Variants in EYA3 observed in about 807,000 individuals in gnomAD.
The protein encoded by EYA3 is EYA transcriptional coactivator and phosphatase 3.
Under a neutral mutation model 80.0 loss-of-function variants are expected in EYA3, and 39 were observed. The observed-to-expected ratio is 0.49, with a 90% CI of 0.38 to 0.64. EYA3 has a LOEUF of 0.64. Among genes scored for constraint, EYA3 ranks in the 30% least tolerant of loss-of-function variants. The pLI, the probability that EYA3 is intolerant of heterozygous loss-of-function variation, is 0.00. For missense variants in EYA3, 523 were observed against 676.1 expected (o/e 0.77, Z 2.51); for synonymous variants, 206 against 232.8 (o/e 0.88, Z 1.05).
rs955336550 is a variant in EYA3 at position 27,993,564 on chromosome 1, CAAG to C, written c.1143-7_1143-5del. On this transcript the variant is annotated splice_polypyrimidine_tract_variant and splice_region_variant and intron_variant, in intron 13 of 17. Coordinates refer to ENST00000373871, the MANE Select transcript of EYA3 (RefSeq NM_001990.4). ...ATCTGTTGAGAAACTGTAGTTGCTG[CAAG>C]GAGAGAAGATAATAAAAATTAAAAT... 1 of 1,572,224 alleles carries C rather than the reference CAAG, an allele frequency of 6.4e-7. No individual in the cohort carries two copies. Among genetic ancestry groups the C allele is most frequent in the African/African-American group, 1.4e-5 (1 of 72,282 alleles).
intron 7 of EYA3, among the ~76,000 whole-genome samples, chr1:28,021,570 A>G (rs1404341082): frequency 6.6e-6 from 1 of 151,630 alleles, no homozygotes; most frequent in Non-Finnish European, 1.5e-5. Context: ...ATATACATCT[A>G]TCTTGTGTGC....
At position 28,004,371 on chromosome 1, in the gene EYA3, G is replaced by A; in HGVS notation, c.958C>T (p.Leu320Phe). 2 of 1,607,312 alleles carry A rather than the reference G, an allele frequency of 1.2e-6. No homozygotes were observed. Among genetic ancestry groups the A allele is most frequent in the Non-Finnish European group, 1.7e-6 (2 of 1,175,054 alleles). The change falls in exon 11 of 18, where the codon CTT (leucine) becomes TTT (phenylalanine). Residue 320 changes from leucine (L) to phenylalanine (F), a missense_variant. Coordinates refer to ENST00000373871, the MANE Select transcript of EYA3 (RefSeq NM_001990.4). ...LDETIIIFHS[L>F]LTGSYAQKYG... ...TTCTGGGCATAGGATCCAGTAAGAA[G>A]TGAGTGGAAGATGATGATGGTTTCA...
At chr1:28,030,711 T>C (rs1441339504) in intron 6 of EYA3, among the ~76,000 whole-genome samples, 1 of 152,246 alleles carries the variant, frequency 6.6e-6, no homozygotes, top group Non-Finnish European at 1.5e-5. Flanking sequence ...TTAGAAGCGT[T>C]TGCCCCATCA....
At chr1:27,982,419 G>T (rs113978022) in intron 16 of EYA3, among the ~76,000 whole-genome samples, 4,698 of 150,558 alleles carry the variant, frequency 0.031, 163 homozygotes, top group African/African-American at 0.085. Context: ...GCCCTGGGAT[G>T]ACAGGCGTGA....
At chr1:28,032,016 C>T (rs1249305729) in intron 6 of EYA3, 1 of 152,216 alleles carries the variant, frequency 6.6e-6, no homozygotes, top group Non-Finnish European at 1.5e-5. Flanking sequence ...CCTTAGGCAA[C>T]CTGGCGGTCC....
intron 16 of EYA3, among the ~76,000 whole-genome samples, chr1:27,981,562 C>T (rs1397358023): frequency 1.3e-5 from 2 of 151,862 alleles, no homozygotes; most frequent in African/African-American, 4.8e-5. Context: ...TTCAACCATA[C>T]AAAAAAGCAT....
At chr1:28,064,102 C>A (rs764827581) in intron 1 of EYA3, among the ~76,000 whole-genome samples, 46 of 152,068 alleles carry the variant, frequency 3.0e-4, no homozygotes, top group Non-Finnish European at 4.4e-4. Context: ...ACAAGAAAAA[C>A]AAAACACCAA....
At chr1:27,998,714 TAA>T (rs552461420) in intron 12 of EYA3, among the ~76,000 whole-genome samples, 10 of 135,214 alleles carry the variant, frequency 7.4e-5, no homozygotes, top group Admixed American at 7.4e-5. Flanking sequence ...TCTCTATTAC[TAA>T]AAAAAAAAAA....
At chr1:28,036,269 A>T (rs528975225) in intron 5 of EYA3, among the ~76,000 whole-genome samples, 1 of 152,324 alleles carries the variant, frequency 6.6e-6, no homozygotes, top group African/African-American at 2.4e-5. Context: ...TGCTACATGC[A>T]TGGCCCTATG....
At chr1:28,054,752 G>A (rs1268375537) in intron 2 of EYA3, among the ~76,000 whole-genome samples, 1 of 152,178 alleles carries the variant, frequency 6.6e-6, no homozygotes, top group Non-Finnish European at 1.5e-5. Flanking sequence ...TTGGGAGGCT[G>A]AGGTGGGAGC....
intron 1 of EYA3, among the ~76,000 whole-genome samples, chr1:28,076,666 T>TAAAA (rs745971576): frequency 5.0e-5 from 2 of 40,328 alleles, no homozygotes; most frequent in Non-Finnish European, 4.7e-5. Flanking sequence ...AGACTCTGCC[T>TAAAA]AAAAAAAAAA....
intron 1 of EYA3, among the ~76,000 whole-genome samples, chr1:28,059,475 GAAC>G (rs1272288002): frequency 6.6e-6 from 1 of 152,174 alleles, no homozygotes; most frequent in Non-Finnish European, 1.5e-5. Context: ...GCTCAGCTTA[GAAC>G]AACACAGTCA....
intron 14 of EYA3, among the ~76,000 whole-genome samples, chr1:27,991,834 G>A (rs144900656): frequency 1.3e-3 from 193 of 152,150 alleles, no homozygotes; most frequent in Non-Finnish European, 2.3e-3. Context: ...GGGTTACATC[G>A]CTTTGTTCAG....
chr1:28,047,421 C>T (rs1295046724), intron 3 of EYA3, among the ~76,000 whole-genome samples: 1 of 152,094 alleles, frequency 6.6e-6, no homozygotes, highest in African/African-American at 2.4e-5. Context: ...TAGTTTAAGA[C>T]ATCATATGGC....
chr1:28,077,420 G>C (rs1645261479), intron 1 of EYA3, among the ~76,000 whole-genome samples: 1 of 152,090 alleles, frequency 6.6e-6, no homozygotes, highest in Non-Finnish European at 1.5e-5. Context: ...AGTTCCTAAT[G>C]AAACAGGAAG....
intron 7 of EYA3, among the ~76,000 whole-genome samples, chr1:28,021,729 C>A (rs4908388): frequency 1.3e-5 from 2 of 151,402 alleles, no homozygotes; most frequent in East Asian, 1.9e-4. Context: ...TCAGCCTCCC[C>A]GAGTAGCTGG....
Position 28,035,601 on chromosome 1 carries a change from T to A in EYA3, c.304A>T (p.Thr102Ser), listed in dbSNP as rs1196239602. The A allele has an allele frequency of 6.2e-7, 1 of 1,614,020 alleles. No individual in the cohort carries two copies. Among genetic ancestry groups the A allele is most frequent in the African/African-American group, 1.3e-5 (1 of 74,920 alleles). ...TGAGGGTAGACAGCATAGGGTTGAGTCTGCTGTAGTGTCTGGTATTGAGTC... is the reference window on the plus strand; with the variant it reads ...TGAGGGTAGACAGCATAGGGTTGAGACTGCTGTAGTGTCTGGTATTGAGTC... The part of the protein sequence containing the change: ...GQTQYQTLQQ[T>S]QPYAVYPQAT... Residue 102 changes from threonine to serine, a missense_variant, in exon 6 of 18, where the codon ACT (threonine) becomes TCT (serine). This residue lies in a region of EYA3 where 304 missense variants were observed against 343.3 expected (regional missense o/e 0.89). Coordinates refer to ENST00000373871, the MANE Select transcript of EYA3 (RefSeq NM_001990.4).
chr1:27,975,487 A>ATTT (rs35806831), intron 17 of EYA3, among the ~76,000 whole-genome samples: 1 of 133,650 alleles, frequency 7.5e-6, no homozygotes, highest in Admixed American at 7.6e-5. Context: ...TGGAGGCCAT[A>ATTT]TTTTTTTTTT....
At position 27,974,314 on chromosome 1, in the gene EYA3, G is replaced by A; in HGVS notation, c.*152C>T. 2.1e-6 allele frequency: 1 copy of A among 480,590 alleles called. No homozygotes were observed. Among genetic ancestry groups the A allele is most frequent in the Non-Finnish European group, 3.8e-6 (1 of 264,134 alleles). 29.8% of individuals were successfully genotyped at this position (480,590 alleles called of 1,614,324 possible). On this transcript the variant is annotated 3_prime_UTR_variant, in exon 18 of 18. Transcript: ENST00000373871. ...GGGAGGGAGAGAGGAAGGGAGGGAGGGAGAGAGGGAGAGAGAGAAAGAGAG... is the reference window on the plus strand; with the variant it reads ...GGGAGGGAGAGAGGAAGGGAGGGAGAGAGAGAGGGAGAGAGAGAAAGAGAG...
Sources: gnomAD v4.1 joint callset for allele counts (sites outside exome capture counted in the v4.1 genomes callset) on GRCh38, gnomAD v4.1.1 for gene constraint, gnomAD v4.1.1 regional missense constraint, MANE v1.5 for transcripts, NCBI Gene and HGNC (gene_info 2026-07-23, HGNC 2026-07-21) for gene names.